The following ABHD2 variants were observed in gnomAD, a reference collection of about 807,000 sequenced individuals.
The protein encoded by ABHD2 is monoacylglycerol lipase ABHD2.
Under a neutral mutation model 48.1 loss-of-function variants are expected in ABHD2, and 20 were observed. The observed-to-expected ratio is 0.42, with a 90% CI of 0.29 to 0.60. The LOEUF is 0.60. Among genes scored for constraint, ABHD2 ranks in the 20% least tolerant of loss-of-function variants. ABHD2 has a pLI of 0.24. For missense variants in ABHD2, 405 were observed against 550.9 expected, an observed-to-expected ratio of 0.74 and a Z score of 2.65; for synonymous variants, 209 against 214.2, an observed-to-expected ratio of 0.98 and a Z score of 0.21.
intron 3 of ABHD2, among the ~76,000 whole-genome samples, chr15:89,140,101 G>A (rs563244527): frequency 5.3e-5 from 8 of 152,320 alleles, no homozygotes; most frequent in South Asian, 2.1e-4. Flanking sequence ...GGGAGTCTGA[G>A]GGCAGAGTGT....
At chr15:89,190,393 G>A (rs2051284048) in intron 8 of ABHD2, among the ~76,000 whole-genome samples, 1 of 152,212 alleles carries the variant, frequency 6.6e-6, no homozygotes, top group Admixed American at 6.5e-5. Context: ...TCTGTAGTCA[G>A]AGATCGGAGC....
At chr15:89,088,108 C>T (rs1901435365), upstream of ABHD2, 2 of 152,386 alleles carry the variant, frequency 1.3e-5, no homozygotes. This position sits in a 1 kb window ranked among gnomAD's most constrained non-coding sequence, Gnocchi z 6.8. Context: ...TTACCCGTCT[C>T]TTCACCCCGC....
chr15:89,188,941 CA>C lies in ABHD2; in HGVS notation c.926+640del, dbSNP rs2051259734. Among the ~76,000 whole-genome samples, 2 of 151,696 alleles carry C rather than the reference CA, an allele frequency of 1.3e-5. No individual in the cohort carries two copies. Among genetic ancestry groups the C allele is most frequent in the African/African-American group, 4.8e-5 (2 of 41,322 alleles). On this transcript the variant is annotated intron_variant, in intron 8 of 10. Coordinates refer to ENST00000352732, the MANE Select transcript of ABHD2 (RefSeq NM_152924.5). The surrounding 1 kb of genome is among the most constrained non-coding windows in gnomAD (Gnocchi z 4.1). ...GATAGACCAAGAGGACTATGTGTTT[CA>C]AGCAAAATGGACAGAGCCTCTTACT...
chr15:89,162,513 T>G (rs1281762545), intron 5 of ABHD2, among the ~76,000 whole-genome samples: 1 of 152,126 alleles, frequency 6.6e-6, no homozygotes, highest in Non-Finnish European at 1.5e-5. Flanking sequence ...ATTCCCACCC[T>G]GAGTGTATGG....
Position 89,151,125 on chromosome 15 carries a change from T to C in ABHD2, c.195-552T>C, listed in dbSNP as rs994673349. ...CCCTTACAGCATATTCTCTGGAGCA[T>C]AGAGTAGTGCCCTCACCCCACAAGG... On this transcript the variant is annotated intron_variant, in intron 3 of 10. Coordinates refer to ENST00000352732, the MANE Select transcript of ABHD2 (RefSeq NM_152924.5). This position sits in a 1 kb window ranked among gnomAD's most constrained non-coding sequence, Gnocchi z 4.7. Among the ~76,000 whole-genome samples the C allele has an allele frequency of 4.6e-5, 7 of 152,188 alleles. No homozygotes were observed. The highest frequency in any genetic ancestry group is 1.7e-4 in the African/African-American group (7 of 41,456).
chr15:89,045,446 G>A, the ABHD2 span, among the ~76,000 whole-genome samples: 128 of 152,322 alleles, frequency 8.4e-4, no homozygotes, highest in Middle Eastern at 3.4e-3. Context: ...GAAAGTCATT[G>A]GTAGCTTGAT....
rs112195682 is a variant in ABHD2, at chr15:89,102,002, G to A, written c.-106-11723G>A. Among the ~76,000 whole-genome samples, 3 of 152,190 alleles carry A rather than the reference G, an allele frequency of 2.0e-5. No individual in the cohort carries two copies. The highest frequency in any genetic ancestry group is 4.4e-5 in the Non-Finnish European group (3 of 68,036). On this transcript the variant is annotated intron_variant, in intron 1 of 10. Coordinates refer to ENST00000352732, the MANE Select transcript of ABHD2 (RefSeq NM_152924.5). This position sits in a 1 kb window ranked among gnomAD's most constrained non-coding sequence, Gnocchi z 4.8. ...ACAGCCAAGGCAGCACCTGTGTAGCGTCATTTTCCAGGCTGATGTCTGGAA... is the reference window on the plus strand; with the variant it reads ...ACAGCCAAGGCAGCACCTGTGTAGCATCATTTTCCAGGCTGATGTCTGGAA...
At chr15:89,052,221 G>C in the ABHD2 span, among the ~76,000 whole-genome samples, 1 of 152,162 alleles carries the variant, frequency 6.6e-6, no homozygotes, top group Non-Finnish European at 1.5e-5. Flanking sequence ...ACCTGCCCTA[G>C]GTCAAGGTCT....
rs1158789855 is a variant in ABHD2 at position 89,155,342 on chromosome 15, C to T, written c.371-25C>T. On this transcript the variant is annotated intron_variant, in intron 4 of 10. Coordinates refer to ENST00000352732, the MANE Select transcript of ABHD2 (RefSeq NM_152924.5). The surrounding 1 kb of genome is among the most constrained non-coding windows in gnomAD (Gnocchi z 4.9). ...ATCATGTCACATTTCTTGGATACAT[C>T]AGGATCTCTTTCTCTACGCTATAGA... 6.2e-7 allele frequency: 1 copy of T among 1,602,246 alleles called. No individual in the cohort carries two copies. The highest frequency in any genetic ancestry group is 8.5e-7 in the Non-Finnish European group (1 of 1,170,804).
chr15:89,140,586 CACACACACAG>C (rs890015059), intron 3 of ABHD2, among the ~76,000 whole-genome samples: 1 of 152,014 alleles, frequency 6.6e-6, no homozygotes, highest in African/African-American at 2.4e-5. Flanking sequence ...GAGACCCCCA[CACACACACAG>C]ACACACACAT....
At chr15:89,093,283 C>T (rs112528662) in intron 1 of ABHD2, among the ~76,000 whole-genome samples, 1,989 of 147,680 alleles carry the variant, frequency 0.013, 39 homozygotes, top group African/African-American at 0.046. Flanking sequence ...CGGGTTCAAA[C>T]GATTTTCCTG....
the ABHD2 span, among the ~76,000 whole-genome samples, chr15:89,056,297 G>A: frequency 6.6e-6 from 1 of 152,150 alleles, no homozygotes; most frequent in Admixed American, 6.5e-5. Flanking sequence ...TCAGGAGATG[G>A]CATTGGAGAT....
chr15:89,185,618 A>C lies in ABHD2; in HGVS notation c.815+102A>C, dbSNP rs1191270693. Reference sequence around the variant, plus strand: ...ACTCCTGTTCCTTCAGGGGAAAAAAAAAAATGCAGGTGTGGTACAGACTCT... The same window carrying C: ...ACTCCTGTTCCTTCAGGGGAAAAAACAAAATGCAGGTGTGGTACAGACTCT... On this transcript the variant is annotated intron_variant, in intron 7 of 10. Transcript: ENST00000352732. The surrounding 1 kb of genome is among the most constrained non-coding windows in gnomAD (Gnocchi z 5.9). 7.7e-6 allele frequency: 8 copies of C among 1,034,292 alleles called. No individual in the cohort carries two copies. Among genetic ancestry groups the C allele is most frequent in the Non-Finnish European group, 1.0e-5 (7 of 686,930 alleles). The allele number at this position is 1,034,292 out of a possible 1,614,324, so 64.1% of individuals were successfully genotyped here. A position where few individuals can be genotyped will look rare whatever the true frequency, so the allele number is the denominator to read the frequency against.
At chr15:89,130,761 CT>C (rs1171925485) in intron 3 of ABHD2, among the ~76,000 whole-genome samples, 1 of 151,098 alleles carries the variant, frequency 6.6e-6, no homozygotes, top group Non-Finnish European at 1.5e-5. Context: ...GTGTGATTTT[CT>C]TTTTCTTTTA....
chr15:89,192,815 C>T (rs1303140919), intron 9 of ABHD2, among the ~76,000 whole-genome samples: 3 of 152,226 alleles, frequency 2.0e-5, no homozygotes, highest in East Asian at 3.8e-4. Flanking sequence ...TCCCAAAGTG[C>T]TGGGATTACA....
intron 1 of ABHD2, among the ~76,000 whole-genome samples, chr15:89,112,718 T>C (rs1036095805): frequency 2.0e-5 from 3 of 152,352 alleles, no homozygotes; most frequent in African/African-American, 7.2e-5. Flanking sequence ...GTCTTGTGTG[T>C]GTCTCCTGCA....
At chr15:89,148,809 G>A (rs1238846523) in intron 3 of ABHD2, among the ~76,000 whole-genome samples, 2 of 152,200 alleles carry the variant, frequency 1.3e-5, no homozygotes, top group Non-Finnish European at 2.9e-5. Flanking sequence ...CTACCACATA[G>A]ATAGAAAAAG....
rs1433014618 is a variant in ABHD2 at position 89,167,176 on chromosome 15, ATCTTACAATCTTCTATTAGATCAT to A, written c.539-8635_539-8612del. Among the ~76,000 whole-genome samples, 1 of 152,202 alleles carries A rather than the reference ATCTTACAATCTTCTATTAGATCAT, an allele frequency of 6.6e-6. No homozygotes were observed. The highest frequency in any genetic ancestry group is 2.4e-5 in the African/African-American group (1 of 41,444). On this transcript the variant is annotated intron_variant, in intron 5 of 10. Coordinates refer to ENST00000352732, the MANE Select transcript of ABHD2 (RefSeq NM_152924.5). The surrounding 1 kb of genome is among the most constrained non-coding windows in gnomAD (Gnocchi z 5.5). The stretch of plus-strand genomic sequence containing the variant: ...TTCTATTTTGTTTTTACTGCTTAAT[ATCTTACAATCTTCTATTAGATCAT>A]AAACATAGGTGTTTCGATAAGCTTC...
chr15:89,198,776 G>A lies in ABHD2; in HGVS notation c.*3353G>A, dbSNP rs2150962108. 1 of 152,348 alleles carries A rather than the reference G, an allele frequency of 6.6e-6. No homozygotes were observed. The highest frequency in any genetic ancestry group is 3.4e-3 in the Middle Eastern group (1 of 294). 9.4% of individuals were successfully genotyped at this position (152,348 alleles called of 1,614,324 possible). On this transcript the variant is annotated 3_prime_UTR_variant, in exon 11 of 11. Coordinates refer to ENST00000352732, the MANE Select transcript of ABHD2 (RefSeq NM_152924.5). This position sits in a 1 kb window ranked among gnomAD's most constrained non-coding sequence, Gnocchi z 5.1. Reference sequence around the variant, plus strand: ...CTTGGCCTCTCCAGCCCTTGCAGGTGGAAACAGCTGTGTCAAGGCTCAAGG... The same window carrying A: ...CTTGGCCTCTCCAGCCCTTGCAGGTAGAAACAGCTGTGTCAAGGCTCAAGG...
Sources: allele counts gnomAD v4.1 joint callset (sites outside exome capture counted in the v4.1 genomes callset), GRCh38; gene constraint gnomAD v4.1.1; non-coding constraint Gnocchi (gnomAD v3.1); transcripts MANE v1.5; gene names NCBI Gene and HGNC (gene_info 2026-07-23, HGNC 2026-07-21).